Variants in FASN observed in about 807,000 individuals in gnomAD.
The protein encoded by FASN is fatty acid synthase.
In FASN, 50 loss-of-function variants were observed where a neutral mutation model predicts 250.0. The observed-to-expected ratio is 0.20, with a 90% confidence interval of 0.16 to 0.25. The LOEUF is 0.25. Ranked by LOEUF, FASN falls within the 10% of genes least tolerant of loss-of-function variation. FASN has a pLI of 1.00. For synonymous variants in FASN, 1,909 were observed against 1,584.0 expected, an observed-to-expected ratio of 1.21 and a Z score of -4.87; for missense variants, 3,031 against 3,498.5, an observed-to-expected ratio of 0.87 and a Z score of 3.37.
At chr17:82,086,143 C>T (rs2034093597) in intron 22 of FASN, 111 bp downstream of exon 22, 1 of 1,511,532 alleles carries the variant, frequency 6.6e-7, no homozygotes, top group Non-Finnish European at 8.9e-7. Context: ...ACTGGCCGGC[C>T]CCACCCACCG....
intron 22 of FASN, 34 bp from the exon 23 acceptor site, chr17:82,085,905 C>A: frequency 6.7e-7 from 1 of 1,500,456 alleles, no homozygotes; most frequent in Admixed American, 2.1e-5. Context: ...CAGCCCCACA[C>A]CAGGCAGGTG....
In FASN at chr17:82,080,460, G is replaced by C. The variant is rs1278839070; in HGVS notation, c.6957C>G (p.Ser2319=). 1 of 1,589,794 alleles carries C rather than the reference G, an allele frequency of 6.3e-7. No individual in the cohort carries two copies. The highest frequency in any genetic ancestry group is 8.6e-7 in the Non-Finnish European group (1 of 1,168,920). Residue 2319 remains serine (S), a synonymous_variant, in exon 40 of 43, where the codon TCC becomes TCG. Coordinates refer to ENST00000306749, the MANE Select transcript of FASN (RefSeq NM_004104.5). ...CTGGGCTCTGCTGGGCCTGCAGCTG[G>C]GAGCACATTTCAAAGGCCACGCAGG... ...YGACVAFEMC[S]QLQAQQSPAP...
Position 82,081,588 on chromosome 17 carries a change from TGGG to T in FASN, c.6406+10_6406+12del, listed in dbSNP as rs1283410136. On this transcript the variant is annotated intron_variant, in intron 37 of 42. Coordinates refer to ENST00000306749, the MANE Select transcript of FASN (RefSeq NM_004104.5). ...GGGAAACACCTGGCGCGGCTCCTAC[TGGG>T]AGTGCTCACCCAGGATGTGTGCCAC... 5.6e-6 allele frequency: 9 copies of T among 1,611,828 alleles called. No individual in the cohort carries two copies. The South Asian group carries it at 8.8e-5, about 16-fold the overall frequency.
Position 82,079,036 on chromosome 17 carries a change from G to T in FASN, c.*107C>A. 1 of 1,304,794 alleles carries T rather than the reference G, an allele frequency of 7.7e-7. No individual in the cohort carries two copies. Among genetic ancestry groups the T allele is most frequent in the Non-Finnish European group, 1.1e-6 (1 of 947,872 alleles). The allele number at this position is 1,304,794 out of a possible 1,614,324, so 80.8% of individuals were successfully genotyped here. ...CTCGGGGGGCAGTGGCACTGGGCCG[G>T]ACAGGGTCCCACCGGCAGGACCCTT... On this transcript the variant is annotated 3_prime_UTR_variant, in exon 43 of 43. Transcript: ENST00000306749.
intron 11 of FASN, 106 bp downstream of exon 11, chr17:82,090,269 G>T: frequency 2.6e-6 from 3 of 1,155,518 alleles, no homozygotes; most frequent in Admixed American, 2.4e-5. Context: ...GCCAGCGGGG[G>T]CCACTCTATC....
chr17:82,082,710 G>T, intron 33 of FASN, 32 bp from the exon 34 acceptor site: 1 of 1,603,400 alleles, frequency 6.2e-7, no homozygotes. Flanking sequence ...GCTGGACTGG[G>T]CCAGGGTACG....
In FASN at chr17:82,083,090, A is replaced by C; in HGVS notation, c.5591T>G (p.Val1864Gly). The change falls in exon 33 of 43, where the codon GTG (valine) becomes GGG (glycine). Residue 1864 changes from valine (V) to glycine (G), a missense_variant. Val to Gly is a moderately radical substitution (Grantham distance 109). Coordinates refer to ENST00000306749, the MANE Select transcript of FASN (RefSeq NM_004104.5). ...CAGCTTGGGTTTGGCCCCCTTCAGC[A>C]CTGCCTCCGGCTCCTCCGCAAGCAC... is the stretch of plus-strand genomic sequence containing the variant. The part of the protein sequence containing the change: ...VQVLAEEPEA[V>G]LKGAKPKLMS... 3.1e-6 allele frequency: 5 copies of C among 1,611,092 alleles called. No individual in the cohort carries two copies. The highest frequency in any genetic ancestry group is 4.2e-6 in the Non-Finnish European group (5 of 1,179,940).
rs775159139 is a variant in FASN, at chr17:82,080,925, G to A, written c.6596-3C>T. ...CTTGGGCGTGGGGCATGCCAGCTCTGTGAAGACAGGGGCAGATGCCAGGCT... is the reference window on the plus strand; with the variant it reads ...CTTGGGCGTGGGGCATGCCAGCTCTATGAAGACAGGGGCAGATGCCAGGCT... On this transcript the variant is annotated splice_polypyrimidine_tract_variant and splice_region_variant and intron_variant, in intron 38 of 42. Coordinates refer to ENST00000306749, the MANE Select transcript of FASN (RefSeq NM_004104.5). The A allele has an allele frequency of 1.2e-6, 2 of 1,602,464 alleles. No individual in the cohort carries two copies. Among genetic ancestry groups the A allele is most frequent in the Non-Finnish European group, 1.7e-6 (2 of 1,175,326 alleles).
chr17:82,091,161 C>A (rs1197074506), intron 9 of FASN, 61 bp downstream of exon 9: 2 of 1,599,600 alleles, frequency 1.3e-6, no homozygotes, highest in Non-Finnish European at 8.5e-7. Context: ...GGACCACCAG[C>A]TCCAGTTCGC....
Position 82,093,280 on chromosome 17 carries a change from C to T in FASN, c.594G>A (p.Val198=). 1 of 1,596,332 alleles carries T rather than the reference C, an allele frequency of 6.3e-7. No homozygotes were observed. Among genetic ancestry groups the T allele is most frequent in the Non-Finnish European group, 8.5e-7 (1 of 1,172,406 alleles). The change falls in exon 5 of 43, where the codon GTG becomes GTA. Residue 198 remains valine (V), a synonymous_variant. Coordinates refer to ENST00000306749, the MANE Select transcript of FASN (RefSeq NM_004104.5). Reference sequence around the variant, plus strand: ...TGAGCATCCCCAGCCTCAAGAACTGCACGGAGGTGTTGGGCTTCAGCAGGA... The same window carrying T: ...TGAGCATCCCCAGCCTCAAGAACTGTACGGAGGTGTTGGGCTTCAGCAGGA... ...INVLLKPNTS[V]QFLRLGMLSP...
At position 82,086,499 on chromosome 17, in the gene FASN, C is replaced by T. The variant is rs201281021; in HGVS notation, c.3487G>A (p.Gly1163Arg). The change falls in exon 22 of 43, where the codon GGA becomes AGA. Residue 1163 changes from glycine to arginine, a missense_variant. By Grantham distance (125) the Gly-to-Arg change is moderately radical (BLOSUM62 -2). Transcript: ENST00000306749. ...TQQGLKMVVP[G>R]LDGAQIPRDP... The stretch of plus-strand genomic sequence containing the variant: ...CGGGGGATCTGGGCCCCATCCAGTC[C>T]GGGCACCACCATCTTCAGCCCCTGC... 4.5e-5 allele frequency: 73 copies of T among 1,612,374 alleles called. No individual in the cohort carries two copies. In the African/African-American group the frequency reaches 4.8e-4, roughly 11 times the overall value.
chr17:82,095,127 G>C (rs1337536516), intron 3 of FASN, among the ~76,000 whole-genome samples, 193 bp downstream of exon 3: 1 of 152,226 alleles, frequency 6.6e-6, no homozygotes, highest in Non-Finnish European at 1.5e-5. Context: ...GACACCTCTG[G>C]GGTGCAGTTG....
At position 82,083,925 on chromosome 17, in the gene FASN, G is replaced by C. The variant is rs372729185; in HGVS notation, c.5099-34C>G. 3,029 of 1,550,800 alleles carry C rather than the reference G, an allele frequency of 2.0e-3. 4 individuals are homozygous for C. The highest frequency in any genetic ancestry group is 2.5e-3 in the Non-Finnish European group (2,842 of 1,148,126). ...GAGAGGAAGCGCGGCTGGTGAGCCA[G>C]GGCGGCGGGGCCAGGAGGGCAGCGG... On this transcript the variant is annotated intron_variant, in intron 29 of 42. Coordinates refer to ENST00000306749, the MANE Select transcript of FASN (RefSeq NM_004104.5).
chr17:82,080,735 G>A lies in FASN; in HGVS notation c.6783C>T (p.Ala2261=), dbSNP rs1032459314. The change falls in exon 39 of 43, where the codon GCC becomes GCT. Residue 2261 remains alanine (A), a synonymous_variant. Transcript: ENST00000306749. ...EGSTTVFHSL[A]SRLSIPTYGL... is the part of the protein sequence containing the mutation. ...CATAGGTGGGGATGCTGAGCCGGGA[G>A]GCCAGGCTGTGGAACACGGTGGTGG... is the stretch of plus-strand genomic sequence containing the variant. 6 of 1,603,072 alleles carry A rather than the reference G, an allele frequency of 3.7e-6. No individual in the cohort carries two copies. The highest frequency in any genetic ancestry group is 1.7e-5 in the Admixed American group (1 of 58,106).
In FASN at chr17:82,091,589, C is replaced by A; in HGVS notation, c.1125G>T (p.Gln375His). 6.3e-7 allele frequency: 1 copy of A among 1,589,068 alleles called. No individual in the cohort carries two copies. The highest frequency in any genetic ancestry group is 1.8e-5 in the Admixed American group (1 of 55,400). Reference sequence around the variant, plus strand: ...GGACGGGCAGGGGCTGGTCCACCACCTGCAGCCGCCCATCCAACAGCGCTG... The same window carrying A: ...GGACGGGCAGGGGCTGGTCCACCACATGCAGCCGCCCATCCAACAGCGCTG... Reference protein sequence around the residue: ...EIPALLDGRLQVVDQPLPVRG... With the variant: ...EIPALLDGRLHVVDQPLPVRG... The change falls in exon 9 of 43, where the codon CAG (glutamine) becomes CAT (histidine). Residue 375 changes from glutamine to histidine, a missense_variant. Gln to His is a conservative substitution (Grantham distance 24). Coordinates refer to ENST00000306749, the MANE Select transcript of FASN (RefSeq NM_004104.5).
chr17:82,082,298 G>A (rs530283961), intron 35 of FASN, 25 bp downstream of exon 35: 22 of 1,611,002 alleles, frequency 1.4e-5, no homozygotes, highest in African/African-American at 6.7e-5. Flanking sequence ...CGGCAGAGGC[G>A]GGAGCAGGGC....
intron 7 of FASN, 53 bp from the exon 8 acceptor site, chr17:82,092,642 T>C (rs924779224): frequency 3.7e-6 from 5 of 1,335,278 alleles, no homozygotes; most frequent in Middle Eastern, 2.2e-4. Flanking sequence ...TCTCCAGGCA[T>C]GGGCGTAGGT....
intron 19 of FASN, 74 bp downstream of exon 19, chr17:82,087,610 TG>T (rs2144794836): frequency 6.2e-7 from 1 of 1,601,940 alleles, no homozygotes; most frequent in East Asian, 2.2e-5. Context: ...TGCCTAGCTG[TG>T]GGTGCCCTCT....
At chr17:82,090,824 A>T in intron 10 of FASN, 58 bp downstream of exon 10, 4 of 1,533,650 alleles carry the variant, frequency 2.6e-6, no homozygotes, top group Non-Finnish European at 2.6e-6. Flanking sequence ...CCTGGGCTCC[A>T]GGGAAAGCCA....
Sources: allele counts gnomAD v4.1 joint callset (sites outside exome capture counted in the v4.1 genomes callset), GRCh38; gene constraint gnomAD v4.1.1; transcripts MANE v1.5; gene names NCBI Gene and HGNC (gene_info 2026-07-23, HGNC 2026-07-21).